Variants in RCOR1 observed in about 807,000 individuals in gnomAD.
RCOR1 encodes REST corepressor 1.
RCOR1 carries 12 observed loss-of-function variants against 64.0 expected under a neutral mutation model. The observed-to-expected ratio is 0.19, with a 90% CI of 0.12 to 0.30. The LOEUF is 0.30. Ranked by LOEUF, RCOR1 falls within the 10% of genes least tolerant of loss-of-function variation. The pLI is 1.00. For synonymous variants in RCOR1, 279 were observed against 227.2 expected (o/e 1.23, Z -2.05); for missense variants, 502 against 621.2 (o/e 0.81, Z 2.04).
At chr14:102,666,585 G>A (rs1052449410) in intron 2 of RCOR1, among the ~76,000 whole-genome samples, 1 of 152,076 alleles carries the variant, frequency 6.6e-6, no homozygotes, top group Non-Finnish European at 1.5e-5. Context: ...TTGCCTTGTT[G>A]CTTTAGGTTC....
At chr14:102,640,998 A>T (rs992300759) in intron 2 of RCOR1, among the ~76,000 whole-genome samples, 3 of 152,280 alleles carry the variant, frequency 2.0e-5, no homozygotes, top group Non-Finnish European at 1.5e-5. Flanking sequence ...TCACGCCTGT[A>T]ATCCCAGCAC....
chr14:102,671,870 C>T (rs1361394742), intron 2 of RCOR1, among the ~76,000 whole-genome samples: 1 of 152,208 alleles, frequency 6.6e-6, no homozygotes, highest in Non-Finnish European at 1.5e-5. Context: ...CCTACAGCCT[C>T]TGGCAATCAC....
At chr14:102,625,988 ATTCCTTTGAGTTACTGT>A (rs2139904838) in intron 2 of RCOR1, among the ~76,000 whole-genome samples, 1 of 152,130 alleles carries the variant, frequency 6.6e-6, no homozygotes, top group Admixed American at 6.5e-5. Flanking sequence ...TCAGCCACCC[ATTCCTTTGAGTTACTGT>A]TACCTGAAAT....
Position 102,681,866 on chromosome 14 carries a change from T to G in RCOR1, c.362-29T>G, listed in dbSNP as rs747771534. On this transcript the variant is annotated intron_variant, in intron 2 of 11. Transcript: ENST00000262241. ...GCTTATTATATGTGTTAAATTTTAA[T>G]AAGAATTTTCTTTTTTCTTTCTCCC... The G allele has an allele frequency of 2.0e-6, 3 of 1,527,912 alleles. No homozygotes were observed. The Admixed American group carries it at 5.1e-5, about 26-fold the overall frequency. The allele number at this position is 1,527,912 out of a possible 1,614,324, so 94.6% of individuals were successfully genotyped here.
intron 2 of RCOR1, among the ~76,000 whole-genome samples, chr14:102,625,280 G>T (rs1020583300): frequency 1.5e-5 from 2 of 129,390 alleles, no homozygotes; most frequent in Non-Finnish European, 3.1e-5. Context: ...CTCGTTCCCA[G>T]GATGGAGTGC....
At chr14:102,686,057 A>C (rs1895411473) in intron 3 of RCOR1, among the ~76,000 whole-genome samples, 1 of 152,182 alleles carries the variant, frequency 6.6e-6, no homozygotes, top group South Asian at 2.1e-4. Context: ...TCAAATTATC[A>C]CATGTACCCT....
At chr14:102,619,761 G>T (rs192974895) in intron 2 of RCOR1, among the ~76,000 whole-genome samples, 1 of 152,114 alleles carries the variant, frequency 6.6e-6, no homozygotes, top group African/African-American at 2.4e-5. Context: ...GATTACATGC[G>T]TGAGCCACTG....
intron 3 of RCOR1, among the ~76,000 whole-genome samples, chr14:102,682,201 C>G (rs955561580): frequency 1.3e-5 from 2 of 152,158 alleles, no homozygotes; most frequent in African/African-American, 4.8e-5. Context: ...ACGATCTGGG[C>G]TCACTGCAAT....
chr14:102,705,131 C>CA (rs890869291), intron 4 of RCOR1, among the ~76,000 whole-genome samples: 48 of 149,376 alleles, frequency 3.2e-4, no homozygotes, highest in African/African-American at 7.4e-4. Flanking sequence ...ACAACAACAA[C>CA]AAAAAAAAAG....
intron 2 of RCOR1, among the ~76,000 whole-genome samples, chr14:102,626,571 T>C (rs1028178196): frequency 1.3e-5 from 2 of 152,164 alleles, no homozygotes; most frequent in African/African-American, 4.8e-5. Flanking sequence ...CTGGTCAGAG[T>C]TGCCTGAAGG....
intron 3 of RCOR1, among the ~76,000 whole-genome samples, chr14:102,697,136 A>G (rs554710998): frequency 2.0e-5 from 3 of 152,236 alleles, no homozygotes; most frequent in Non-Finnish European, 4.4e-5. Flanking sequence ...GCTTGTGCAG[A>G]TGGCTATATT....
At chr14:102,690,098 A>C (rs549657613) in intron 3 of RCOR1, among the ~76,000 whole-genome samples, 1 of 152,014 alleles carries the variant, frequency 6.6e-6, no homozygotes, top group Non-Finnish European at 1.5e-5. Context: ...TGCATGTAAC[A>C]TGGTGGAGGT....
At chr14:102,689,092 T>G (rs542200108) in intron 3 of RCOR1, among the ~76,000 whole-genome samples, 1 of 152,312 alleles carries the variant, frequency 6.6e-6, no homozygotes, top group Admixed American at 6.5e-5. Flanking sequence ...GGACTTCGTT[T>G]GTTTAGAGAA....
chr14:102,664,870 A>C (rs74421298), intron 2 of RCOR1, among the ~76,000 whole-genome samples: 2,561 of 152,338 alleles, frequency 0.017, 77 homozygotes, highest in African/African-American at 0.058. Flanking sequence ...GGCAGTTCTT[A>C]AGCATTCGAC....
chr14:102,679,316 A>G (rs142128346), intron 2 of RCOR1, among the ~76,000 whole-genome samples: 1 of 152,164 alleles, frequency 6.6e-6, no homozygotes, highest in African/African-American at 2.4e-5. Context: ...TTTTAAAAAA[A>G]TGTTTGTTTT....
intron 2 of RCOR1, among the ~76,000 whole-genome samples, chr14:102,660,114 A>G (rs547352374): frequency 6.6e-6 from 1 of 152,296 alleles, no homozygotes; most frequent in South Asian, 2.1e-4. Flanking sequence ...TGTTTGAAAT[A>G]ATTTTTCCAG....
intron 2 of RCOR1, among the ~76,000 whole-genome samples, chr14:102,620,557 C>T (rs914435052): frequency 2.0e-5 from 3 of 151,978 alleles, no homozygotes; most frequent in Admixed American, 6.6e-5. Context: ...AGAGCGAAAC[C>T]GTCTCACAAA....
intron 2 of RCOR1, among the ~76,000 whole-genome samples, chr14:102,635,546 A>G (rs1394400942): frequency 6.6e-6 from 1 of 152,162 alleles, no homozygotes; most frequent in East Asian, 1.9e-4. Context: ...AAATATGTAT[A>G]TACATATACA....
intron 4 of RCOR1, among the ~76,000 whole-genome samples, chr14:102,706,088 T>C (rs1462516940): frequency 5.5e-5 from 6 of 108,614 alleles, no homozygotes; most frequent in African/African-American, 2.3e-4. Flanking sequence ...TCCTCCAGCC[T>C]GGGCAAGGAG....
Sources: gnomAD v4.1 joint callset for allele counts (sites outside exome capture counted in the v4.1 genomes callset) on GRCh38, gnomAD v4.1.1 for gene constraint, MANE v1.5 for transcripts, NCBI Gene and HGNC (gene_info 2026-07-23, HGNC 2026-07-21) for gene names.